CABLES1: variants seen among roughly 807,000 people sequenced by gnomAD.
CABLES1 encodes the protein CDK5 and ABL1 enzyme substrate 1.
CABLES1 carries 36 observed loss-of-function variants against 57.8 expected under a neutral mutation model. The ratio of observed to expected loss-of-function variants is 0.62; its 90% CI spans 0.48 to 0.82. CABLES1 has a LOEUF of 0.82. CABLES1 is among the 40% of genes least tolerant of loss of function. The pLI is 0.00. For missense variants in CABLES1, 767 were observed against 836.6 expected, an observed-to-expected ratio of 0.92 and a Z score of 1.03; for synonymous variants, 374 against 363.0, an observed-to-expected ratio of 1.03 and a Z score of -0.35.
chr18:23,184,226 T>C (rs2047186575), intron 1 of CABLES1, among the ~76,000 whole-genome samples: 1 of 152,072 alleles, frequency 6.6e-6, no homozygotes, highest in Admixed American at 6.6e-5. Context: ...CAGGTGGGCA[T>C]TTGGGCGTGG....
At chr18:23,246,294 C>T (rs2047879056) in intron 7 of CABLES1, among the ~76,000 whole-genome samples, 1 of 152,004 alleles carries the variant, frequency 6.6e-6, no homozygotes, top group Non-Finnish European at 1.5e-5. Context: ...AGTGGTCACT[C>T]AGACTGTCCC....
At chr18:23,164,992 C>A (rs187511638) in intron 1 of CABLES1, among the ~76,000 whole-genome samples, 1 of 152,168 alleles carries the variant, frequency 6.6e-6, no homozygotes, top group Admixed American at 6.5e-5. Context: ...AGGCTGGTCT[C>A]GAACTCCTGA....
At chr18:23,173,261 C>G (rs1736186253) in intron 1 of CABLES1, among the ~76,000 whole-genome samples, 1 of 152,236 alleles carries the variant, frequency 6.6e-6, no homozygotes, top group Admixed American at 6.5e-5. Flanking sequence ...TCTCTGCCTT[C>G]AAGCCTAACC....
At chr18:23,235,483 C>G (rs2047598361) in intron 5 of CABLES1, among the ~76,000 whole-genome samples, 1 of 152,160 alleles carries the variant, frequency 6.6e-6, no homozygotes, top group Non-Finnish European at 1.5e-5. Flanking sequence ...GCCAGAGGAG[C>G]AGGGTAGGAG....
chr18:23,219,425 G>A (rs557958402), intron 4 of CABLES1, among the ~76,000 whole-genome samples: 145 of 152,366 alleles, frequency 9.5e-4, no homozygotes, highest in African/African-American at 3.4e-3. Flanking sequence ...ACTTGGAAGT[G>A]TGAGACCTTA....
intron 1 of CABLES1, among the ~76,000 whole-genome samples, chr18:23,143,784 T>G (rs2046873264): frequency 6.6e-6 from 1 of 151,006 alleles, no homozygotes; most frequent in African/African-American, 2.4e-5. Flanking sequence ...GATAATGTGG[T>G]GGCCCGAGGG....
chr18:23,235,757 T>C, intron 5 of CABLES1, 138 bp from the exon 6 acceptor site: 1 of 909,518 alleles, frequency 1.1e-6, no homozygotes, highest in Non-Finnish European at 1.7e-6. Context: ...ATTTCATTTT[T>C]CAGATCTCAT....
intron 3 of CABLES1, 99 bp from the exon 4 acceptor site, chr18:23,213,878 T>A: frequency 1.3e-6 from 1 of 750,034 alleles, no homozygotes; most frequent in Non-Finnish European, 2.2e-6. Context: ...CAAATACTGC[T>A]ATGAATGCCA....
At chr18:23,191,511 CA>C (rs1166478862) in intron 2 of CABLES1, among the ~76,000 whole-genome samples, 5 of 152,088 alleles carry the variant, frequency 3.3e-5, no homozygotes, top group Admixed American at 3.3e-4. Context: ...ATGGTAACAC[CA>C]ATAATGATGC....
At chr18:23,208,504 A>G (rs1251019135) in intron 3 of CABLES1, among the ~76,000 whole-genome samples, 1 of 152,164 alleles carries the variant, frequency 6.6e-6, no homozygotes, top group Non-Finnish European at 1.5e-5. Flanking sequence ...CGGCTGTGGG[A>G]AAAGGGGTCA....
chr18:23,240,765 C>G (rs188663507), intron 7 of CABLES1, among the ~76,000 whole-genome samples: 6 of 152,250 alleles, frequency 3.9e-5, no homozygotes, highest in Non-Finnish European at 8.8e-5. Flanking sequence ...GAGGCGCCCA[C>G]CTGAAATCCT....
At chr18:23,228,599 A>G (rs142947673) in intron 4 of CABLES1, among the ~76,000 whole-genome samples, 5 of 152,236 alleles carry the variant, frequency 3.3e-5, no homozygotes, top group East Asian at 1.9e-4. Context: ...GCTTAACGGT[A>G]TAACTGCTGC....
chr18:23,244,574 G>A (rs1033640879), intron 7 of CABLES1, among the ~76,000 whole-genome samples: 2 of 152,216 alleles, frequency 1.3e-5, no homozygotes, highest in African/African-American at 2.4e-5. Flanking sequence ...GAGGGCCACC[G>A]TTGCTTAATT....
chr18:23,209,051 C>A (rs969526322), intron 3 of CABLES1, among the ~76,000 whole-genome samples: 7 of 152,196 alleles, frequency 4.6e-5, no homozygotes, highest in African/African-American at 1.7e-4. Flanking sequence ...TACAGCAGTC[C>A]CTCCTTATCC....
In CABLES1 at chr18:23,260,098, G is replaced by C. The variant is rs977697020; in HGVS notation, c.*2731G>C. 1 of 152,212 alleles carries C rather than the reference G, an allele frequency of 6.6e-6. No individual in the cohort carries two copies. Among genetic ancestry groups the C allele is most frequent in the African/African-American group, 2.4e-5 (1 of 41,420 alleles). 9.4% of individuals were successfully genotyped at this position (152,212 alleles called of 1,614,324 possible). A position where few individuals can be genotyped will look rare whatever the true frequency, so the allele number is the denominator to read the frequency against. ...GCTGCAGCTGCCCCCAGGAGGAAAC[G>C]GGCAGCAGGGAGTGTGGCCCAGCCC... On this transcript the variant is annotated 3_prime_UTR_variant, in exon 10 of 10. Transcript: ENST00000256925.
At position 23,218,617 on chromosome 18, in the gene CABLES1, C is replaced by T. The variant is rs1390662361; in HGVS notation, c.1088+4563C>T. On this transcript the variant is annotated intron_variant, in intron 4 of 9. Transcript: ENST00000256925. ...CCGCATCCTCACTTGCCCTGGCTCC[C>T]GCATCCTCACTTGCCCTGCCTCCCG... 3.3e-5 allele frequency among the ~76,000 whole-genome samples: 4 copies of T among 119,766 alleles called. 1 individual carries two copies. Among genetic ancestry groups the T allele is most frequent in the African/African-American group, 1.3e-4 (4 of 30,362 alleles). 78.6% of individuals were successfully genotyped at this position (119,766 alleles called of 152,430 possible). A position where few individuals can be genotyped will look rare whatever the true frequency, so the allele number is the denominator to read the frequency against.
In CABLES1 at chr18:23,258,979, A is replaced by AAGAC. The variant is rs1442224603; in HGVS notation, c.*1615_*1618dup. The AAGAC allele has an allele frequency of 1.3e-5, 2 of 150,086 alleles. No homozygotes were observed. The highest frequency in any genetic ancestry group is 6.6e-5 in the Admixed American group (1 of 15,132). 9.3% of individuals were successfully genotyped at this position (150,086 alleles called of 1,614,324 possible). ...AATTTCCTTGGCCAGAATCAGTTGT[A>AAGAC]AGACAGTGATTTGGGTGGTGGGGGG... On this transcript the variant is annotated 3_prime_UTR_variant, in exon 10 of 10. Transcript: ENST00000256925.
intron 3 of CABLES1, among the ~76,000 whole-genome samples, chr18:23,210,393 A>C (rs990793583): frequency 2.0e-5 from 3 of 152,162 alleles, no homozygotes; most frequent in African/African-American, 7.2e-5. Flanking sequence ...CAAAGACATG[A>C]GGGTGGTCAA....
intron 1 of CABLES1, among the ~76,000 whole-genome samples, chr18:23,165,745 G>A (rs759337467): frequency 2.0e-5 from 3 of 152,114 alleles, no homozygotes; most frequent in Non-Finnish European, 2.9e-5. Flanking sequence ...TTGCTTATTC[G>A]TTCATTCTTC....
Sources: allele counts gnomAD v4.1 joint callset (sites outside exome capture counted in the v4.1 genomes callset), GRCh38; gene constraint gnomAD v4.1.1; transcripts MANE v1.5; gene names NCBI Gene and HGNC (gene_info 2026-07-23, HGNC 2026-07-21).